KCNMA1: variants seen among roughly 807,000 people sequenced by gnomAD.
KCNMA1 encodes the protein potassium calcium-activated channel subfamily M alpha 1.
A neutral mutation model predicts 140.0 loss-of-function variants in KCNMA1; 29 were observed. The ratio of observed to expected loss-of-function variants is 0.21; its 90% CI spans 0.15 to 0.28. The LOEUF (loss-of-function observed/expected upper bound fraction) is 0.28. KCNMA1 is among the 10% of genes least tolerant of loss of function. KCNMA1 has a pLI of 1.00. For synonymous variants in KCNMA1, 612 were observed against 611.9 expected (o/e 1.00, Z 0.00); for missense variants, 880 against 1,602.2 (o/e 0.55, Z 7.70).
intron 1 of KCNMA1, among the ~76,000 whole-genome samples, chr10:77,421,090 C>A (rs976814760): frequency 6.6e-6 from 1 of 152,246 alleles, no homozygotes; most frequent in African/African-American, 2.4e-5. Flanking sequence ...AGGCATCTGG[C>A]CACATACTGA....
intron 1 of KCNMA1, among the ~76,000 whole-genome samples, chr10:77,453,473 A>G (rs1214857711): frequency 6.6e-6 from 1 of 152,246 alleles, no homozygotes; most frequent in Non-Finnish European, 1.5e-5. Flanking sequence ...CTAAAAATTC[A>G]GACAAGACAA....
chr10:77,418,388 T>A (rs1004890509), intron 1 of KCNMA1, among the ~76,000 whole-genome samples: 3 of 152,158 alleles, frequency 2.0e-5, no homozygotes, highest in Non-Finnish European at 4.4e-5. Flanking sequence ...AGTAAGGTTT[T>A]TTTCCAAAAT....
intron 16 of KCNMA1, chr10:77,025,584 T>C (rs1364359852): frequency 4.1e-6 from 3 of 739,512 alleles, no homozygotes; most frequent in African/African-American, 3.5e-5. Flanking sequence ...AAACAAGGTT[T>C]TTTGGCAAAG....
At chr10:77,444,444 C>T (rs1172244722) in intron 1 of KCNMA1, among the ~76,000 whole-genome samples, 1 of 152,120 alleles carries the variant, frequency 6.6e-6, no homozygotes, top group African/African-American at 2.4e-5. Flanking sequence ...GTGTAGGTGG[C>T]CAAGCAGCCA....
chr10:77,549,678 T>C (rs2062283375), intron 1 of KCNMA1, among the ~76,000 whole-genome samples: 2 of 152,244 alleles, frequency 1.3e-5, no homozygotes. Flanking sequence ...CATTTCCTTT[T>C]TTCTGTCTCC....
chr10:77,181,337 A>T (rs138557790), intron 5 of KCNMA1, among the ~76,000 whole-genome samples: 3 of 152,296 alleles, frequency 2.0e-5, no homozygotes, highest in African/African-American at 7.2e-5. Context: ...CTGTGTGTGC[A>T]TGGGTATGTG....
chr10:77,137,579 C>T (rs2098072502), intron 5 of KCNMA1, among the ~76,000 whole-genome samples: 1 of 152,158 alleles, frequency 6.6e-6, no homozygotes, highest in Non-Finnish European at 1.5e-5. Context: ...ACTGTGAGGA[C>T]CACCTGCTTC....
intron 1 of KCNMA1, among the ~76,000 whole-genome samples, chr10:77,607,458 T>C (rs1040633821): frequency 6.6e-6 from 1 of 152,190 alleles, no homozygotes; most frequent in Admixed American, 6.5e-5. Context: ...CAAGGGACTC[T>C]ACAGACATAA....
chr10:77,472,448 C>G (rs972663212), intron 1 of KCNMA1, among the ~76,000 whole-genome samples: 2 of 148,284 alleles, frequency 1.3e-5, no homozygotes, highest in African/African-American at 5.0e-5. Flanking sequence ...ACGTCACACA[C>G]ACATCACACA....
intron 2 of KCNMA1, among the ~76,000 whole-genome samples, chr10:77,299,046 T>C (rs931324875): frequency 1.3e-5 from 2 of 152,208 alleles, no homozygotes; most frequent in Non-Finnish European, 2.9e-5. Context: ...CCAGTGCTGG[T>C]TTCATAGTAG....
At chr10:77,519,860 C>T (rs1392150505) in intron 1 of KCNMA1, among the ~76,000 whole-genome samples, 1 of 150,788 alleles carries the variant, frequency 6.6e-6, no homozygotes, top group African/African-American at 2.4e-5. Context: ...TGAGAGTATG[C>T]AGTGTGAGGG....
chr10:77,185,322 A>G (rs2098839917), intron 3 of KCNMA1, among the ~76,000 whole-genome samples: 2 of 152,210 alleles, frequency 1.3e-5, no homozygotes, highest in South Asian at 4.2e-4. Context: ...GCTAAAACAC[A>G]GTTCCTCATG....
At chr10:77,601,446 C>T (rs1314317977) in intron 1 of KCNMA1, among the ~76,000 whole-genome samples, 2 of 152,214 alleles carry the variant, frequency 1.3e-5, no homozygotes, top group African/African-American at 4.8e-5. Flanking sequence ...AAGAAGCAGT[C>T]AGCATAAGAT....
intron 20 of KCNMA1, among the ~76,000 whole-genome samples, chr10:76,960,783 A>G (rs947599232): frequency 6.6e-6 from 1 of 152,006 alleles, no homozygotes; most frequent in Non-Finnish European, 1.5e-5. Context: ...ATTAGTTCCA[A>G]CAAGAATCAG....
At chr10:77,515,423 C>A (rs1030581723) in intron 1 of KCNMA1, among the ~76,000 whole-genome samples, 22 of 152,132 alleles carry the variant, frequency 1.4e-4, no homozygotes, top group African/African-American at 5.3e-4. Context: ...ACCAAACACA[C>A]CTGTAGACTG....
intron 9 of KCNMA1, among the ~76,000 whole-genome samples, chr10:77,105,531 T>C (rs1410913128): frequency 1.3e-5 from 2 of 152,226 alleles, no homozygotes; most frequent in African/African-American, 2.4e-5. Flanking sequence ...GAATAAAATA[T>C]GCACAAGTAA....
chr10:77,151,867 C>T (rs2098422074), intron 5 of KCNMA1, among the ~76,000 whole-genome samples: 1 of 152,198 alleles, frequency 6.6e-6, no homozygotes, highest in African/African-American at 2.4e-5. Flanking sequence ...TTGCAATTTT[C>T]TCTAGCATAT....
chr10:77,424,715 AAATGGCAG>A (rs2096939693), intron 1 of KCNMA1, among the ~76,000 whole-genome samples: 1 of 152,220 alleles, frequency 6.6e-6, no homozygotes, highest in Non-Finnish European at 1.5e-5. Flanking sequence ...AGGACCTGTT[AAATGGCAG>A]GAACAGACTG....
At chr10:77,380,197 A>G (rs961508783) in intron 2 of KCNMA1, among the ~76,000 whole-genome samples, 7 of 152,146 alleles carry the variant, frequency 4.6e-5, no homozygotes, top group African/African-American at 1.4e-4. Context: ...AAGGCATCAC[A>G]CTCACTGTCA....
Sources: allele counts gnomAD v4.1 joint callset (sites outside exome capture counted in the v4.1 genomes callset), GRCh38; gene constraint gnomAD v4.1.1; transcripts MANE v1.5; gene names NCBI Gene and HGNC (gene_info 2026-07-23, HGNC 2026-07-21).